KDM4A: variants seen among roughly 807,000 people sequenced by gnomAD.
KDM4A encodes the protein lysine-specific demethylase 4A.
A neutral mutation model predicts 127.1 loss-of-function variants in KDM4A; 23 were observed. The observed-to-expected ratio is 0.18, with a 90% CI of 0.13 to 0.26. The LOEUF (loss-of-function observed/expected upper bound fraction) is 0.26, where lower values mean the gene tolerates loss of function less well. KDM4A is among the 10% of genes least tolerant of loss of function. KDM4A has a pLI of 1.00. For missense variants in KDM4A, 890 were observed against 1,329.1 expected, an observed-to-expected ratio of 0.67 and a Z score of 5.14; for synonymous variants, 443 against 466.5, an observed-to-expected ratio of 0.95 and a Z score of 0.65.
Position 43,697,839 on chromosome 1 carries a change from C to G in KDM4A, c.2671-4C>G, listed in dbSNP as rs1256828217. The G allele has an allele frequency of 7.5e-6, 12 of 1,602,774 alleles. No homozygotes were observed. Among genetic ancestry groups the G allele is most frequent in the Non-Finnish European group, 8.5e-7 (1 of 1,176,292 alleles). On this transcript the variant is annotated splice_polypyrimidine_tract_variant and splice_region_variant and intron_variant, in intron 18 of 21. Coordinates refer to ENST00000372396, the MANE Select transcript of KDM4A (RefSeq NM_014663.3). ...GAGTAACCAAAGCCTCTGTTTTTTTCCAGCGTGCCAAGGGGGCCTTGCAAA... is the reference window on the plus strand; with the variant it reads ...GAGTAACCAAAGCCTCTGTTTTTTTGCAGCGTGCCAAGGGGGCCTTGCAAA...
chr1:43,685,011 G>A (rs779285249), intron 12 of KDM4A, among the ~76,000 whole-genome samples: 1 of 152,136 alleles, frequency 6.6e-6, no homozygotes, highest in Non-Finnish European at 1.5e-5. Flanking sequence ...GGAAACCTGA[G>A]TTCAGTGTCT....
intron 4 of KDM4A, among the ~76,000 whole-genome samples, chr1:43,661,632 A>AAAAAAAG (rs1660383653): frequency 2.8e-5 from 3 of 106,054 alleles, no homozygotes; most frequent in African/African-American, 1.2e-4. Context: ...AAAAAAAAAA[A>AAAAAAAG]AAAAAAAAGA....
Position 43,655,675 on chromosome 1 carries a change from G to A in KDM4A, c.223G>A (p.Val75Met), listed in dbSNP as rs1186412979. Residue 75 changes from valine to methionine, a missense_variant, in exon 3 of 22, where the codon GTG becomes ATG. Transcript: ENST00000372396. ...CATTCCTGCCCCCATTCAACAGCTGGTGACGGGGCAGTCTGGCCTCTTTAC... is the reference window on the plus strand; with the variant it reads ...CATTCCTGCCCCCATTCAACAGCTGATGACGGGGCAGTCTGGCCTCTTTAC... ...LVIPAPIQQL[V>M]TGQSGLFTQY... The A allele has an allele frequency of 2.5e-6, 4 of 1,613,956 alleles. No homozygotes were observed. The highest frequency in any genetic ancestry group is 2.7e-5 in the African/African-American group (2 of 75,036).
chr1:43,651,904 A>G (rs1660121819), intron 1 of KDM4A, among the ~76,000 whole-genome samples: 1 of 152,240 alleles, frequency 6.6e-6, no homozygotes, highest in Non-Finnish European at 1.5e-5. Flanking sequence ...AGTTCTGGGT[A>G]CAGTGCAACT....
chr1:43,684,490 G>A (rs1202316739), intron 12 of KDM4A, among the ~76,000 whole-genome samples: 1 of 152,116 alleles, frequency 6.6e-6, no homozygotes, highest in African/African-American at 2.4e-5. Context: ...GCGACAGAGC[G>A]AGATGCCATC....
At chr1:43,701,917 A>C (rs1244934007) in intron 19 of KDM4A, among the ~76,000 whole-genome samples, 1 of 152,272 alleles carries the variant, frequency 6.6e-6, no homozygotes, top group Non-Finnish European at 1.5e-5. Context: ...ACATGTACTC[A>C]ATGATTAAGA....
intron 11 of KDM4A, among the ~76,000 whole-genome samples, chr1:43,677,528 A>T (rs1275780122): frequency 6.6e-6 from 1 of 152,180 alleles, no homozygotes; most frequent in African/African-American, 2.4e-5. Flanking sequence ...ATCAAGGCCC[A>T]CACCTTTGAT....
chr1:43,668,101 T>A, intron 9 of KDM4A, 82 bp downstream of exon 9: 1 of 1,519,762 alleles, frequency 6.6e-7, no homozygotes. Context: ...AGGCTGTTTC[T>A]TGTTTTTTTT....
intron 10 of KDM4A, among the ~76,000 whole-genome samples, chr1:43,669,595 A>AT (rs1247792905): frequency 6.6e-6 from 1 of 151,632 alleles, no homozygotes; most frequent in Non-Finnish European, 1.5e-5. Flanking sequence ...GAGAGGAGGG[A>AT]TGTAGAAAGG....
intron 11 of KDM4A, among the ~76,000 whole-genome samples, chr1:43,678,756 T>C (rs1570847786): frequency 6.6e-6 from 1 of 152,068 alleles, no homozygotes; most frequent in East Asian, 1.9e-4. Context: ...CCCAGCTAAG[T>C]TTTTTATTTT....
chr1:43,692,494 C>G (rs143480677), intron 16 of KDM4A, among the ~76,000 whole-genome samples, 183 bp downstream of exon 16: 1,876 of 152,320 alleles, frequency 0.012, 15 homozygotes, highest in Non-Finnish European at 0.02. Flanking sequence ...GCCAAGCAGT[C>G]CCAGACTTTC....
rs1443596844 is a variant in KDM4A at position 43,655,754 on chromosome 1, C to A, written c.302C>A (p.Ala101Asp). Residue 101 changes from alanine to aspartate, a missense_variant, in exon 3 of 22, where the codon GCC (alanine) becomes GAC (aspartate). By Grantham distance (126) the Ala-to-Asp change is moderately radical. Transcript: ENST00000372396. ...ACTGTTCGAGAGTTCCGCAAGATAG[C>A]CAATAGCGATAAGTGAGTGGAAACC... ...AMTVREFRKI[A>D]NSDKYCTPRY... 1 of 1,609,822 alleles carries A rather than the reference C, an allele frequency of 6.2e-7. No homozygotes were observed. The highest frequency in any genetic ancestry group is 8.5e-7 in the Non-Finnish European group (1 of 1,177,578).
chr1:43,661,206 C>G lies in KDM4A; in HGVS notation c.429+794C>G, dbSNP rs186965876. 5.9e-4 allele frequency among the ~76,000 whole-genome samples: 90 copies of G among 152,076 alleles called. 1 individual carries two copies. Among genetic ancestry groups the G allele is most frequent in the Middle Eastern group, 6.8e-3 (2 of 294 alleles). On this transcript the variant is annotated intron_variant, in intron 4 of 21. Coordinates refer to ENST00000372396, the MANE Select transcript of KDM4A (RefSeq NM_014663.3). Reference sequence around the variant, plus strand: ...CTCAGGCTGGTTTTAAACTCCCGACCTCAGGTGATCCACCTGCCTCAGCCT... The same window carrying G: ...CTCAGGCTGGTTTTAAACTCCCGACGTCAGGTGATCCACCTGCCTCAGCCT...
At chr1:43,668,352 C>T (rs570648382) in intron 9 of KDM4A, among the ~76,000 whole-genome samples, 9 of 152,258 alleles carry the variant, frequency 5.9e-5, no homozygotes, top group Admixed American at 2.6e-4. Flanking sequence ...GTCTCGATCT[C>T]CTGACCTCGT....
intron 14 of KDM4A, 28 bp downstream of exon 14, chr1:43,691,077 C>T (rs1157951498): frequency 1.2e-6 from 2 of 1,610,640 alleles, no homozygotes; most frequent in African/African-American, 2.7e-5. Context: ...TTCTCTGTGT[C>T]CTGTCCCAGG....
In KDM4A at chr1:43,688,163, G is replaced by A. The variant is rs115614402; in HGVS notation, c.1856-751G>A. Among the ~76,000 whole-genome samples, 1,536 of 152,158 alleles carry A rather than the reference G, an allele frequency of 0.01. 24 individuals are homozygous for A. Among genetic ancestry groups the A allele is most frequent in the African/African-American group, 0.035 (1,458 of 41,488 alleles). ...TTTGAGGCTGTGGTGAGCTATGATC[G>A]CACATGTAAATAGCCACTGTACTCC... is the stretch of plus-strand genomic sequence containing the variant. On this transcript the variant is annotated intron_variant, in intron 12 of 21. Coordinates refer to ENST00000372396, the MANE Select transcript of KDM4A (RefSeq NM_014663.3). The surrounding 1 kb of genome is among the most constrained non-coding windows in gnomAD (Gnocchi z 4.4).
intron 3 of KDM4A, among the ~76,000 whole-genome samples, chr1:43,658,215 GC>G (rs959473170): frequency 1.0e-3 from 151 of 151,644 alleles, no homozygotes; most frequent in African/African-American, 3.6e-3. Context: ...GATTACAGGT[GC>G]CCACCACCAC....
In KDM4A at chr1:43,693,064, G is replaced by C. The variant is rs1382329967; in HGVS notation, c.2375+753G>C. Among the ~76,000 whole-genome samples the C allele has an allele frequency of 6.6e-6, 1 of 152,224 alleles. No individual in the cohort carries two copies. The highest frequency in any genetic ancestry group is 6.5e-5 in the Admixed American group (1 of 15,288). ...AGTCCCAGTTATGCTGTCCCTGAGA[G>C]ATAGCTACTCTGCCTGCTGCTTCTG... On this transcript the variant is annotated intron_variant, in intron 16 of 21. Transcript: ENST00000372396. This position sits in a 1 kb window ranked among gnomAD's most constrained non-coding sequence, Gnocchi z 4.2.
At chr1:43,697,108 G>T (rs570339149) in intron 18 of KDM4A, among the ~76,000 whole-genome samples, 1 of 152,248 alleles carries the variant, frequency 6.6e-6, no homozygotes, top group African/African-American at 2.4e-5. Context: ...AGTAACTGGG[G>T]AATGGCATCT....
Sources: allele counts gnomAD v4.1 joint callset (sites outside exome capture counted in the v4.1 genomes callset), GRCh38; gene constraint gnomAD v4.1.1; non-coding constraint Gnocchi (gnomAD v3.1); transcripts MANE v1.5; gene names NCBI Gene and HGNC (gene_info 2026-07-23, HGNC 2026-07-21).